Variants in CNTRL observed in about 807,000 individuals in gnomAD.
CNTRL encodes the protein centriolin.
In CNTRL, 233 loss-of-function variants were observed where a neutral mutation model predicts 303.7. The ratio of observed to expected loss-of-function variants is 0.77; its 90% CI spans 0.69 to 0.86. The LOEUF is 0.86. Among genes scored for constraint, CNTRL ranks in the 40% least tolerant of loss-of-function variants. The pLI is 0.00. For synonymous variants in CNTRL, 900 were observed against 922.2 expected (o/e 0.98, Z 0.44); for missense variants, 2,524 against 2,650.6 (o/e 0.95, Z 1.05).
chr9:121,102,387 G>A (rs2049222785), intron 7 of CNTRL, among the ~76,000 whole-genome samples: 1 of 152,104 alleles, frequency 6.6e-6, no homozygotes, highest in African/African-American at 2.4e-5. Flanking sequence ...AGGTATTGAT[G>A]GGATGTATCT....
Position 121,157,984 on chromosome 9 carries a change from C to T in CNTRL, c.4639C>T (p.Leu1547Phe), listed in dbSNP as rs1035587950. 7 of 1,613,942 alleles carry T rather than the reference C, an allele frequency of 4.3e-6. No individual in the cohort carries two copies. In the Admixed American group the frequency reaches 1.0e-4, roughly 23 times the overall value. The change falls in exon 30 of 44, where the codon CTT (leucine) becomes TTT (phenylalanine). Residue 1547 changes from leucine to phenylalanine, a missense_variant and splice_region_variant. Transcript: ENST00000373855. Reference protein sequence around the residue: ...SKKKEKLTEELQKLQKDIEMA... With the variant: ...SKKKEKLTEEFQKLQKDIEMA... ...TCTAGTGTTGCTGGTGCTTTGTAGG[C>T]TTCAGAAACTACAGAAAGACATAGA...
chr9:121,156,787 A>G (rs1398470847), intron 27 of CNTRL, among the ~76,000 whole-genome samples: 1 of 152,188 alleles, frequency 6.6e-6, no homozygotes, highest in African/African-American at 2.4e-5. Context: ...CAAATCTTAT[A>G]TAGGAAGATT....
chr9:121,142,669 C>T (rs527542503), intron 19 of CNTRL, among the ~76,000 whole-genome samples: 42 of 152,334 alleles, frequency 2.8e-4, no homozygotes, highest in Non-Finnish European at 5.7e-4. Flanking sequence ...CCTCAACCAT[C>T]TACTCCCATT....
At chr9:121,085,905 C>T (rs1167412958) in intron 2 of CNTRL, among the ~76,000 whole-genome samples, 2 of 152,104 alleles carry the variant, frequency 1.3e-5, no homozygotes, top group African/African-American at 2.4e-5. Flanking sequence ...AATGTTTAGA[C>T]TCATAGGCAT....
At chr9:121,129,810 T>G (rs1415828201) in intron 14 of CNTRL, among the ~76,000 whole-genome samples, 1 of 152,230 alleles carries the variant, frequency 6.6e-6, no homozygotes, top group Non-Finnish European at 1.5e-5. Flanking sequence ...ATACGTGCCA[T>G]CAATACCTAG....
In CNTRL at chr9:121,098,376, A is replaced by G. The variant is rs1192509697; in HGVS notation, c.622-10A>G. The G allele has an allele frequency of 2.5e-6, 4 of 1,569,422 alleles. No homozygotes were observed. The highest frequency in any genetic ancestry group is 1.7e-4 in the Middle Eastern group (1 of 5,968). On this transcript the variant is annotated splice_polypyrimidine_tract_variant and intron_variant, in intron 6 of 43. Transcript: ENST00000373855. ...TAAATTATACCAATACTAATGTTATATCATTTCAGCTCCAAGATATAAGCA... is the reference window on the plus strand; with the variant it reads ...TAAATTATACCAATACTAATGTTATGTCATTTCAGCTCCAAGATATAAGCA...
chr9:121,138,765 C>G (rs2051338051), intron 16 of CNTRL, 86 bp downstream of exon 16: 9 of 1,394,524 alleles, frequency 6.5e-6, no homozygotes, highest in East Asian at 4.6e-5. Flanking sequence ...GCAACCTGCT[C>G]TAACATGTAG....
At chr9:121,169,160 C>T (rs2053208770) in intron 38 of CNTRL, among the ~76,000 whole-genome samples, 1 of 152,230 alleles carries the variant, frequency 6.6e-6, no homozygotes, top group African/African-American at 2.4e-5. Context: ...ATGTTTTCCT[C>T]TTCTATAAAA....
chr9:121,099,901 G>A (rs575649883), intron 7 of CNTRL, among the ~76,000 whole-genome samples: 1 of 152,222 alleles, frequency 6.6e-6, no homozygotes, highest in South Asian at 2.1e-4. Context: ...AAGAAATATG[G>A]GACTATGTGA....
At chr9:121,089,956 C>T (rs187395726) in intron 3 of CNTRL, among the ~76,000 whole-genome samples, 1 of 152,142 alleles carries the variant, frequency 6.6e-6, no homozygotes, top group Admixed American at 6.5e-5. Flanking sequence ...TGTGTATAAC[C>T]ATTATCATCT....
At chr9:121,172,382 T>G (rs1191302711) in intron 40 of CNTRL, among the ~76,000 whole-genome samples, 1 of 149,146 alleles carries the variant, frequency 6.7e-6, no homozygotes, top group African/African-American at 2.4e-5. Context: ...GCTGCATTCC[T>G]GTAATCCCAG....
rs759726442 is a variant in CNTRL at position 121,125,739 on chromosome 9, C to T, written c.1828C>T (p.Leu610=). ...AGGCCAGATAGCAGCAAATGAAGCC[C>T]TGAAGAAGGATTTAGAAGGTGTTAT... The part of the protein sequence containing the change: ...TEGQIAANEA[L]KKDLEGVISG... The change falls in exon 14 of 44, where the codon CTG becomes TTG. Residue 610 remains leucine (L), a synonymous_variant. Transcript: ENST00000373855. 4 of 1,613,966 alleles carry T rather than the reference C, an allele frequency of 2.5e-6. No individual in the cohort carries two copies. Among genetic ancestry groups the T allele is most frequent in the Non-Finnish European group, 3.4e-6 (4 of 1,180,018 alleles).
Position 121,113,581 on chromosome 9 carries a change from A to G in CNTRL, c.1202A>G (p.Glu401Gly). The G allele has an allele frequency of 6.2e-7, 1 of 1,609,420 alleles. No homozygotes were observed. Among genetic ancestry groups the G allele is most frequent in the African/African-American group, 1.3e-5 (1 of 74,864 alleles). Residue 401 changes from glutamate to glycine, a missense_variant, in exon 10 of 44, where the codon GAG (glutamate) becomes GGG (glycine). Physicochemically the swap from Glu to Gly is moderately conservative, Grantham distance 98 (BLOSUM62 -2). Transcript: ENST00000373855. The part of the protein sequence containing the change: ...SRYKRNMFAT[E>G]SYIIDSAQAV... ...TACAAGAGAAATATGTTTGCCACAG[A>G]GAGTTATATTATTGACAGTGCTCAG...
intron 42 of CNTRL, 137 bp from the exon 43 acceptor site, chr9:121,174,881 C>G (rs1227014521): frequency 1.3e-6 from 1 of 761,384 alleles, no homozygotes; most frequent in African/African-American, 1.7e-5. Flanking sequence ...TCCTACAATT[C>G]TTTTTAAAGA....
At chr9:121,116,971 C>G (rs897347350) in intron 11 of CNTRL, among the ~76,000 whole-genome samples, 2 of 152,096 alleles carry the variant, frequency 1.3e-5, no homozygotes, top group African/African-American at 4.8e-5. Flanking sequence ...CTGGCCAAAG[C>G]TTTACATAGA....
At chr9:121,075,762 T>A (rs1465955342) in intron 1 of CNTRL, among the ~76,000 whole-genome samples, 1 of 152,154 alleles carries the variant, frequency 6.6e-6, no homozygotes, top group Non-Finnish European at 1.5e-5. Flanking sequence ...TTAAGCACTT[T>A]GCACGTATTA....
intron 16 of CNTRL, 38 bp downstream of exon 16, chr9:121,138,717 A>C (rs1237123143): frequency 6.2e-7 from 1 of 1,601,416 alleles, no homozygotes; most frequent in Non-Finnish European, 8.5e-7. Flanking sequence ...TCTTACACAG[A>C]ACACCCAAAG....
intron 32 of CNTRL, chr9:121,161,448 T>G: frequency 2.8e-6 from 1 of 359,444 alleles, no homozygotes; most frequent in Non-Finnish European, 5.0e-6. Flanking sequence ...TTGATTCTTT[T>G]ATGTAGAAGC....
In CNTRL at chr9:121,167,568, C is replaced by A. The variant is rs1250981805; in HGVS notation, c.5735C>A (p.Ala1912Glu). 6.2e-7 allele frequency: 1 copy of A among 1,613,916 alleles called. No homozygotes were observed. The highest frequency in any genetic ancestry group is 1.1e-5 in the South Asian group (1 of 91,078). ...CTCCAGAAGGACATCAGTGAATGGG[C>A]AAATAGGTTTGAAGACTGTCAGAAA... ...TRLQKDISEWANRFEDCQKEE... is the reference protein window; with the variant it reads ...TRLQKDISEWENRFEDCQKEE... The change falls in exon 37 of 44, where the codon GCA becomes GAA. Residue 1912 changes from alanine (A) to glutamate (E), a missense_variant. By Grantham distance (107) the Ala-to-Glu change is moderately radical. Coordinates refer to ENST00000373855, the MANE Select transcript of CNTRL (RefSeq NM_007018.6).
Sources: gnomAD v4.1 joint callset for allele counts (sites outside exome capture counted in the v4.1 genomes callset) on GRCh38, gnomAD v4.1.1 for gene constraint, MANE v1.5 for transcripts, NCBI Gene and HGNC (gene_info 2026-07-23, HGNC 2026-07-21) for gene names.